SLC39A8: variants seen among roughly 807,000 people sequenced by gnomAD.
SLC39A8 encodes the protein solute carrier family 39 member 8.
A neutral mutation model predicts 40.4 loss-of-function variants in SLC39A8; 15 were observed. The observed-to-expected ratio is 0.37, with a 90% CI of 0.25 to 0.57. The LOEUF is 0.57. Ranked by LOEUF, SLC39A8 falls within the 20% of genes least tolerant of loss-of-function variation. The pLI, the probability that SLC39A8 is intolerant of heterozygous loss-of-function variation, is 0.75. For synonymous variants in SLC39A8, 223 were observed against 221.6 expected (o/e 1.01, Z -0.06); for missense variants, 472 against 558.8 (o/e 0.84, Z 1.57).
At chr4:102,284,260 C>T (rs1733050171) in intron 6 of SLC39A8, among the ~76,000 whole-genome samples, 1 of 152,174 alleles carries the variant, frequency 6.6e-6, no homozygotes, top group Non-Finnish European at 1.5e-5. Context: ...CCTGCTCACC[C>T]TTCTGAATCT....
intron 3 of SLC39A8, among the ~76,000 whole-genome samples, chr4:102,311,493 A>C (rs1384242124): frequency 6.6e-6 from 1 of 152,086 alleles, no homozygotes; most frequent in Non-Finnish European, 1.5e-5. Context: ...TTGGACTTAC[A>C]TCACTAGTTG....
At chr4:102,263,683 C>A (rs1332001578) in intron 8 of SLC39A8, among the ~76,000 whole-genome samples, 1 of 152,164 alleles carries the variant, frequency 6.6e-6, no homozygotes, top group Non-Finnish European at 1.5e-5. Flanking sequence ...TGCTGTTTGA[C>A]AGCATTTTAC....
At chr4:102,271,574 C>T (rs1179621929) in intron 6 of SLC39A8, among the ~76,000 whole-genome samples, 3 of 152,188 alleles carry the variant, frequency 2.0e-5, no homozygotes, top group Admixed American at 6.5e-5. Flanking sequence ...CCCCAAAAAG[C>T]TATCACTGTC....
chr4:102,333,002 A>C (rs905592266), intron 2 of SLC39A8, among the ~76,000 whole-genome samples: 1 of 151,930 alleles, frequency 6.6e-6, no homozygotes, highest in Non-Finnish European at 1.5e-5. Flanking sequence ...AACATCACAC[A>C]CTGGGGTCTG....
chr4:102,339,628 C>T (rs1294343595), intron 2 of SLC39A8, among the ~76,000 whole-genome samples: 2 of 152,112 alleles, frequency 1.3e-5, no homozygotes, highest in African/African-American at 2.4e-5. Flanking sequence ...TGATTACAGG[C>T]AAAATATTGA....
chr4:102,265,531 CA>C (rs1732062023), intron 8 of SLC39A8, among the ~76,000 whole-genome samples: 1 of 152,070 alleles, frequency 6.6e-6, no homozygotes, highest in Admixed American at 6.5e-5. Flanking sequence ...CCATGCTATT[CA>C]AAAAATGGCA....
In SLC39A8 at chr4:102,318,892, T is replaced by C. The variant is rs1734773615; in HGVS notation, c.220-3062A>G. 1.3e-5 allele frequency among the ~76,000 whole-genome samples: 2 copies of C among 152,232 alleles called. 1 individual carries two copies. Among genetic ancestry groups the C allele is most frequent in the South Asian group, 4.1e-4 (2 of 4,836 alleles). ...TCTATGACACTGCTGTTCTCAAGCA[T>C]GCTGCCCTGATGTTTGCTGTGGCCT... On this transcript the variant is annotated intron_variant, in intron 2 of 8. Coordinates refer to ENST00000356736, the MANE Select transcript of SLC39A8 (RefSeq NM_001135146.2).
At chr4:102,326,230 G>A (rs1275209091) in intron 2 of SLC39A8, among the ~76,000 whole-genome samples, 2 of 152,196 alleles carry the variant, frequency 1.3e-5, no homozygotes, top group Non-Finnish European at 2.9e-5. Flanking sequence ...AGGGCATGCT[G>A]CTTCTTCAAC....
chr4:102,264,243 A>T (rs1324912223), intron 8 of SLC39A8, among the ~76,000 whole-genome samples: 4 of 152,208 alleles, frequency 2.6e-5, no homozygotes, highest in Admixed American at 2.0e-4. Context: ...TGATCCATGG[A>T]CTGCGGAATG....
downstream of SLC39A8, among the ~76,000 whole-genome samples, chr4:102,259,218 G>A (rs1731781790): frequency 2.0e-5 from 3 of 152,174 alleles, no homozygotes; most frequent in South Asian, 6.2e-4. Flanking sequence ...ATTTCCCCCT[G>A]TACTCATAAC....
rs1731927800 is a variant in SLC39A8 at position 102,262,867 on chromosome 4, AT to A, written c.*176del. The A allele has an allele frequency of 7.3e-7, 1 of 1,372,828 alleles. No individual in the cohort carries two copies. Among genetic ancestry groups the A allele is most frequent in the Admixed American group, 3.4e-5 (1 of 29,750 alleles). The allele number at this position is 1,372,828 out of a possible 1,614,324, so 85.0% of individuals were successfully genotyped here. A position where few individuals can be genotyped will look rare whatever the true frequency, so the allele number is the denominator to read the frequency against. ...ACTGACACTGAAAACCTTTTGAAGC[AT>A]TTTTAACAACAAATAATGGACTATT... On this transcript the variant is annotated 3_prime_UTR_variant, in exon 9 of 9. Coordinates refer to ENST00000356736, the MANE Select transcript of SLC39A8 (RefSeq NM_001135146.2).
intron 6 of SLC39A8, among the ~76,000 whole-genome samples, chr4:102,284,694 T>C (rs1343740830): frequency 6.6e-6 from 1 of 152,154 alleles, no homozygotes; most frequent in Non-Finnish European, 1.5e-5. Context: ...GGGATTTTGA[T>C]CAAAGTCACA....
downstream of SLC39A8, among the ~76,000 whole-genome samples, chr4:102,258,861 CCTT>C (rs34914460): frequency 0.07 from 10,636 of 152,158 alleles, 678 homozygotes; most frequent in African/African-American, 0.17. Flanking sequence ...TCAGTACTGA[CCTT>C]CTTCTATTTT....
chr4:102,306,482 A>G (rs1283261929), intron 4 of SLC39A8, among the ~76,000 whole-genome samples: 2 of 145,292 alleles, frequency 1.4e-5, no homozygotes, highest in Non-Finnish European at 1.5e-5. Flanking sequence ...AATGATAATA[A>G]ATCTATAACT....
chr4:102,277,775 T>C (rs929165368), intron 6 of SLC39A8, among the ~76,000 whole-genome samples: 1 of 152,140 alleles, frequency 6.6e-6, no homozygotes, highest in African/African-American at 2.4e-5. Flanking sequence ...ATAGTACTGG[T>C]ACCAAAACAG....
Position 102,263,140 on chromosome 4 carries a change from A to G in SLC39A8, c.1287T>C (p.Asp429=). The G allele has an allele frequency of 1.2e-6, 2 of 1,613,824 alleles. No homozygotes were observed. The highest frequency in any genetic ancestry group is 2.7e-5 in the African/African-American group (2 of 75,032). Reference sequence around the variant, plus strand: ...CATTCTGAATCATGAAGAAGGTGAAATCGGTTTTTCTTCCAGTTACCTTTT... The same window carrying G: ...CATTCTGAATCATGAAGAAGGTGAAGTCGGTTTTTCTTCCAGTTACCTTTT... ...LREKVTGRKT[D]FTFFMIQNAG... is the part of the protein sequence containing the mutation. Residue 429 remains aspartate, a synonymous_variant, in exon 9 of 9, where the codon GAT becomes GAC. Transcript: ENST00000356736.
chr4:102,271,312 A>G (rs1732354988), intron 6 of SLC39A8, among the ~76,000 whole-genome samples: 1 of 152,194 alleles, frequency 6.6e-6, no homozygotes, highest in African/African-American at 2.4e-5. Flanking sequence ...ATCTAATTCT[A>G]TTCCACTAAA....
chr4:102,317,798 C>A (rs901971103), intron 2 of SLC39A8, among the ~76,000 whole-genome samples: 4 of 152,186 alleles, frequency 2.6e-5, no homozygotes, highest in African/African-American at 7.2e-5. Context: ...TAGATAATCT[C>A]CAAAGACTTT....
At position 102,344,464 on chromosome 4, in the gene SLC39A8, C is replaced by G. The variant is rs1405659749; in HGVS notation, c.199G>C (p.Gly67Arg). 1.2e-5 allele frequency: 18 copies of G among 1,543,158 alleles called. No individual in the cohort carries two copies. Among genetic ancestry groups the G allele is most frequent in the Admixed American group, 2.0e-5 (1 of 50,370 alleles). The change falls in exon 2 of 9, where the codon GGC becomes CGC. Residue 67 changes from glycine (G) to arginine (R), a missense_variant. Physicochemically the swap from Gly to Arg is moderately radical, Grantham distance 125. This residue lies in a region of SLC39A8 where 175 missense variants were observed against 160.5 expected (regional missense o/e 1.09). Coordinates refer to ENST00000356736, the MANE Select transcript of SLC39A8 (RefSeq NM_001135146.2). ...CTTACCTGGTTGAAGTGCAGCTGGC[C>G]AGGCTCCGGGACGCCCACGCGGGAG... ...AASRVGVPEP[G>R]QLHFNQCLTA...
Sources: gnomAD v4.1 joint callset for allele counts (sites outside exome capture counted in the v4.1 genomes callset) on GRCh38, gnomAD v4.1.1 for gene constraint, gnomAD v4.1.1 regional missense constraint, MANE v1.5 for transcripts, NCBI Gene and HGNC (gene_info 2026-07-23, HGNC 2026-07-21) for gene names.